ZMIZ1: variants seen among roughly 807,000 people sequenced by gnomAD.
The protein encoded by ZMIZ1 is zinc finger MIZ domain-containing protein 1.
Under a neutral mutation model 113.9 loss-of-function variants are expected in ZMIZ1, and 17 were observed. That is an observed-to-expected ratio of 0.15 (90% confidence interval 0.10 to 0.22). The LOEUF (loss-of-function observed/expected upper bound fraction) is 0.22. ZMIZ1 is among the 10% of genes least tolerant of loss of function. The probability of loss-of-function intolerance (pLI) is 1.00; values close to 1 mark genes in which losing one functional copy is unlikely to be tolerated. For synonymous variants in ZMIZ1, 607 were observed against 603.1 expected (o/e 1.01, Z -0.09); for missense variants, 1,059 against 1,477.8 (o/e 0.72, Z 4.65).
chr10:79,251,141 T>C (rs1850531743), intron 7 of ZMIZ1, among the ~76,000 whole-genome samples: 1 of 152,098 alleles, frequency 6.6e-6, no homozygotes, highest in Admixed American at 6.5e-5. Context: ...GGCTCCCCAC[T>C]GTTAGGAGCG....
chr10:79,296,609 G>T lies in ZMIZ1; in HGVS notation c.1369G>T (p.Gly457Trp). Residue 457 changes from glycine (G) to tryptophan (W), a missense_variant, in exon 13 of 25, where the codon GGG (glycine) becomes TGG (tryptophan). This residue lies in a region of ZMIZ1 where 239 missense variants were observed against 247.5 expected (regional missense o/e 0.97). Coordinates refer to ENST00000334512, the MANE Select transcript of ZMIZ1 (RefSeq NM_020338.4). This position sits in a 1 kb window ranked among gnomAD's most constrained non-coding sequence, Gnocchi z 4.1. The part of the protein sequence containing the change: ...GQRMPSQPSS[G>W]QYPPPTVNMG... ...GAGGATGCCCAGCCAGCCGAGCTCC[G>T]GGCAGTACCCGCCCCCCACGGTCAA... is the stretch of plus-strand genomic sequence containing the variant. 6.2e-7 allele frequency: 1 copy of T among 1,600,064 alleles called. No homozygotes were observed.
At chr10:79,194,907 T>C (rs189326081) in intron 4 of ZMIZ1, among the ~76,000 whole-genome samples, 200 of 152,326 alleles carry the variant, frequency 1.3e-3, no homozygotes, top group South Asian at 2.9e-3. Flanking sequence ...CCGAAAGACG[T>C]CCCACGGGAG....
chr10:79,144,707 T>C (rs1009253576), intron 3 of ZMIZ1, among the ~76,000 whole-genome samples: 5 of 152,272 alleles, frequency 3.3e-5, no homozygotes, highest in Admixed American at 1.3e-4. Flanking sequence ...TTTCATTGCC[T>C]TCCCAGTGAA....
At chr10:79,231,350 C>T (rs1315265098) in intron 7 of ZMIZ1, among the ~76,000 whole-genome samples, 2 of 151,794 alleles carry the variant, frequency 1.3e-5, no homozygotes, top group Admixed American at 6.6e-5. Context: ...CAGGTTCAAG[C>T]GATCCTCTTG....
In ZMIZ1 at chr10:79,304,670, A is replaced by G. The variant is rs993146960; in HGVS notation, c.2287-494A>G. 6.6e-5 allele frequency among the ~76,000 whole-genome samples: 10 copies of G among 152,238 alleles called. No individual in the cohort carries two copies. The East Asian group carries it at 1.3e-3, about 20-fold the overall frequency. On this transcript the variant is annotated intron_variant, in intron 19 of 24. Coordinates refer to ENST00000334512, the MANE Select transcript of ZMIZ1 (RefSeq NM_020338.4). ...TGTGGTGGGCATGCAGAAGGGGCCC[A>G]GGGCTGTCACCTGCAGCTGGTCCTG...
intron 22 of ZMIZ1, 83 bp from the exon 23 acceptor site, chr10:79,307,322 A>ATT: frequency 2.1e-6 from 3 of 1,414,924 alleles, no homozygotes; most frequent in Non-Finnish European, 2.9e-6. Context: ...CTTGGCTTGT[A>ATT]TTTTTACACA....
chr10:79,305,618 C>G lies in ZMIZ1; in HGVS notation c.2423+17C>G, dbSNP rs78060082. On this transcript the variant is annotated intron_variant, in intron 21 of 24. Transcript: ENST00000334512. ...CATCCAACAGTAAGTGGGGCCCTAG[C>G]GAGGGGCAGGGGGTGGGAGGGGACG... The G allele has an allele frequency of 1.0e-5, 16 of 1,605,244 alleles. No individual in the cohort carries two copies. Among genetic ancestry groups the G allele is most frequent in the Non-Finnish European group, 1.2e-5 (14 of 1,172,380 alleles).
At chr10:79,201,740 G>A (rs1203259223) in intron 5 of ZMIZ1, 48 bp downstream of exon 5, 1 of 1,599,322 alleles carries the variant, frequency 6.3e-7, no homozygotes, top group African/African-American at 1.3e-5. Context: ...GATGGGGCGG[G>A]CTGCAGCAGC....
At chr10:79,166,000 G>GTGTGTGTGTGTGTGTGTGTC (rs36040251) in intron 4 of ZMIZ1, among the ~76,000 whole-genome samples, 2 of 115,628 alleles carry the variant, frequency 1.7e-5, no homozygotes, top group Non-Finnish European at 3.6e-5. Flanking sequence ...GTGTGTGTGT[G>GTGTGTGTGTGTGTGTGTGTC]TGGGCTCTCC....
chr10:79,131,325 C>T (rs988990311), intron 2 of ZMIZ1, among the ~76,000 whole-genome samples: 6 of 151,754 alleles, frequency 4.0e-5, no homozygotes, highest in Non-Finnish European at 4.4e-5. Context: ...CTGGCCTCTT[C>T]GGTGGCGGGG....
At position 79,098,945 on chromosome 10, in the gene ZMIZ1, G is replaced by A. The variant is rs574818960; in HGVS notation, c.-336-19970G>A. Among the ~76,000 whole-genome samples the A allele has an allele frequency of 3.0e-4, 45 of 152,324 alleles. 1 individual carries two copies. Among genetic ancestry groups the A allele is most frequent in the Middle Eastern group, 3.4e-3 (1 of 294 alleles). On this transcript the variant is annotated intron_variant, in intron 1 of 24. Coordinates refer to ENST00000334512, the MANE Select transcript of ZMIZ1 (RefSeq NM_020338.4). ...CTGGGGACTTGACTGTGGTGCAGAC[G>A]TCTGCATTGGCCCCTGGAGGCTGGA...
intron 12 of ZMIZ1, chr10:79,293,985 C>A: frequency 2.4e-6 from 1 of 422,062 alleles, no homozygotes; most frequent in South Asian, 2.7e-5. Context: ...GGCTCAGCCA[C>A]TAACTGGGTG....
intron 8 of ZMIZ1, among the ~76,000 whole-genome samples, chr10:79,277,925 G>T (rs561850980): frequency 8.5e-5 from 13 of 152,222 alleles, no homozygotes; most frequent in Admixed American, 1.3e-4. Context: ...CTCTCTGAGC[G>T]CTCTGCAGGC....
chr10:79,157,182 C>T (rs1044927356), intron 3 of ZMIZ1, among the ~76,000 whole-genome samples: 1 of 152,144 alleles, frequency 6.6e-6, no homozygotes, highest in East Asian at 1.9e-4. Context: ...GGCCTTTGCT[C>T]TCTGCTGAGC....
At chr10:79,142,253 G>T (rs927571910) in intron 3 of ZMIZ1, among the ~76,000 whole-genome samples, 3 of 152,166 alleles carry the variant, frequency 2.0e-5, no homozygotes, top group African/African-American at 7.2e-5. Flanking sequence ...AATATGAGTC[G>T]GGAAGGCAGA....
chr10:79,101,109 A>G (rs571041634), intron 1 of ZMIZ1, among the ~76,000 whole-genome samples: 4 of 152,306 alleles, frequency 2.6e-5, no homozygotes, highest in African/African-American at 9.6e-5. Flanking sequence ...GGCTGCAGCA[A>G]GGAGAGAGGA....
intron 2 of ZMIZ1, among the ~76,000 whole-genome samples, chr10:79,132,778 C>T (rs1844826690): frequency 6.6e-6 from 1 of 152,054 alleles, no homozygotes; most frequent in African/African-American, 2.4e-5. Flanking sequence ...GGGGTGGGGG[C>T]AGGGCCAGGG....
chr10:79,237,377 A>C (rs576209014), intron 7 of ZMIZ1, among the ~76,000 whole-genome samples: 1 of 152,202 alleles, frequency 6.6e-6, no homozygotes, highest in Non-Finnish European at 1.5e-5. Context: ...CCTCCATTTT[A>C]GTTTGCTAAG....
intron 7 of ZMIZ1, among the ~76,000 whole-genome samples, chr10:79,222,902 T>G (rs1009497685): frequency 6.6e-6 from 1 of 152,196 alleles, no homozygotes; most frequent in African/African-American, 2.4e-5. Context: ...TTCTACCTCT[T>G]CTGCTCAGGA....
Sources: gnomAD v4.1 joint callset for allele counts (sites outside exome capture counted in the v4.1 genomes callset) on GRCh38, gnomAD v4.1.1 for gene constraint, gnomAD v4.1.1 regional missense constraint, Gnocchi (gnomAD v3.1) non-coding constraint, MANE v1.5 for transcripts, NCBI Gene and HGNC (gene_info 2026-07-23, HGNC 2026-07-21) for gene names.